ABCA8: variants seen among roughly 807,000 people sequenced by gnomAD.
ABCA8 encodes ATP binding cassette subfamily A member 8, also known as ABC-type organic anion transporter ABCA8.
ABCA8 carries 177 observed loss-of-function variants against 192.3 expected under a neutral mutation model. The ratio of observed to expected loss-of-function variants is 0.92; its 90% CI spans 0.81 to 1.04. ABCA8 has a LOEUF of 1.04. Among genes scored for constraint, ABCA8 ranks in the 50% least tolerant of loss-of-function variants. The probability of loss-of-function intolerance (pLI) is 0.00; values close to 1 mark genes in which losing one functional copy is unlikely to be tolerated. For synonymous variants in ABCA8, 642 were observed against 690.2 expected (o/e 0.93, Z 1.09); for missense variants, 1,915 against 1,904.8 (o/e 1.01, Z -0.10).
chr17:68,914,491 C>A lies in ABCA8; in HGVS notation c.2138+2870G>T, dbSNP rs536250494. Among the ~76,000 whole-genome samples the A allele has an allele frequency of 3.9e-4, 60 of 152,148 alleles. No homozygotes were observed. The South Asian group carries it at 0.012, about 31-fold the overall frequency. ...TATACAAAAATCAATAGCATTTCTACATGCTAACAGCAAGCAAGCTGAAAA... is the reference window on the plus strand; with the variant it reads ...TATACAAAAATCAATAGCATTTCTAAATGCTAACAGCAAGCAAGCTGAAAA... On this transcript the variant is annotated intron_variant, in intron 17 of 39. Coordinates refer to ENST00000586539, the MANE Select transcript of ABCA8 (RefSeq NM_001288985.2).
chr17:68,894,992 A>G lies in ABCA8; in HGVS notation c.2786T>C (p.Ile929Thr). The G allele has an allele frequency of 6.2e-7, 1 of 1,610,824 alleles. No individual in the cohort carries two copies. The highest frequency in any genetic ancestry group is 8.5e-7 in the Non-Finnish European group (1 of 1,179,000). ...NKTGASIDDF[I>T]QSVEHQNIAL... ...TATGTTCTGGTGCTCCACAGACTGT[A>G]TAAAGTCATCAATGCTTGCCCCTAA... is the stretch of plus-strand genomic sequence containing the variant. Residue 929 changes from isoleucine (I) to threonine (T), a missense_variant, in exon 22 of 40, where the codon ATA becomes ACA. Coordinates refer to ENST00000586539, the MANE Select transcript of ABCA8 (RefSeq NM_001288985.2).
chr17:68,938,055 G>A (rs954215887), intron 4 of ABCA8, among the ~76,000 whole-genome samples: 9 of 152,116 alleles, frequency 5.9e-5, no homozygotes, highest in Admixed American at 4.6e-4. Flanking sequence ...TGTTATGGAC[G>A]TCTGTGAAAC....
rs867662408 is a variant in ABCA8 at position 68,868,478 on chromosome 17, A to G, written c.4712-122T>C. 5 of 809,198 alleles carry G rather than the reference A, an allele frequency of 6.2e-6. No individual in the cohort carries two copies. In the East Asian group the frequency reaches 1.3e-4, roughly 22 times the overall value. 50.1% of individuals were successfully genotyped at this position (809,198 alleles called of 1,614,324 possible). Reference sequence around the variant, plus strand: ...AAATAGGTTAAGGTAATATTCATTCATGTCTTAAGTACATCGTTCAGTTAA... The same window carrying G: ...AAATAGGTTAAGGTAATATTCATTCGTGTCTTAAGTACATCGTTCAGTTAA... On this transcript the variant is annotated intron_variant, in intron 38 of 39. Coordinates refer to ENST00000586539, the MANE Select transcript of ABCA8 (RefSeq NM_001288985.2).
At chr17:68,943,535 C>T (rs551582368) in intron 2 of ABCA8, among the ~76,000 whole-genome samples, 1 of 152,278 alleles carries the variant, frequency 6.6e-6, no homozygotes, top group Admixed American at 6.5e-5. Context: ...AATGTTGCTA[C>T]TTTCCTAATA....
At chr17:68,923,015 T>A (rs1300537680) in intron 11 of ABCA8, among the ~76,000 whole-genome samples, 1 of 152,130 alleles carries the variant, frequency 6.6e-6, no homozygotes, top group Non-Finnish European at 1.5e-5. Flanking sequence ...AGGAATGAAA[T>A]TAACTTATGC....
rs200428763 is a variant in ABCA8, at chr17:68,929,090, T to C, written c.1084A>G (p.Ser362Gly). The change falls in exon 9 of 40, where the codon AGC becomes GGC. Residue 362 changes from serine (S) to glycine (G), a missense_variant. Physicochemically the swap from Ser to Gly is moderately conservative, Grantham distance 56 (BLOSUM62 0). Coordinates refer to ENST00000586539, the MANE Select transcript of ABCA8 (RefSeq NM_001288985.2). ...ATGAAGGCAAAGGGACTAAGCAAGC[T>C]TAAAATCCACTCCAAGGATGCAGGA... Reference protein sequence around the residue: ...HLPASLEWILSLLSPFAFMLG... With the variant: ...HLPASLEWILGLLSPFAFMLG... 3.7e-6 allele frequency: 6 copies of C among 1,600,476 alleles called. No individual in the cohort carries two copies. Among genetic ancestry groups the C allele is most frequent in the Non-Finnish European group, 5.1e-6 (6 of 1,172,754 alleles).
intron 19 of ABCA8, among the ~76,000 whole-genome samples, chr17:68,904,160 T>C (rs1182993289): frequency 1.3e-5 from 2 of 151,846 alleles, no homozygotes. Flanking sequence ...TGGGCACCTG[T>C]AGTCGCAGCT....
intron 4 of ABCA8, among the ~76,000 whole-genome samples, chr17:68,938,416 CG>C (rs2143747010): frequency 6.6e-6 from 1 of 151,898 alleles, no homozygotes; most frequent in Admixed American, 6.6e-5. Context: ...GGAATTTGGA[CG>C]GAAGTTGACA....
At chr17:68,893,608 A>G (rs1040059593) in intron 23 of ABCA8, among the ~76,000 whole-genome samples, 1 of 144,916 alleles carries the variant, frequency 6.9e-6, no homozygotes, top group Admixed American at 7.0e-5. Context: ...TCATTCGTTC[A>G]TTCCTTCCTT....
chr17:68,871,977 G>T (rs1187204560), intron 37 of ABCA8, among the ~76,000 whole-genome samples: 1 of 152,068 alleles, frequency 6.6e-6, no homozygotes, highest in Non-Finnish European at 1.5e-5. Flanking sequence ...AAAGTTAACT[G>T]TAAAAAAGCC....
chr17:68,914,303 G>T (rs564648531), intron 17 of ABCA8, among the ~76,000 whole-genome samples: 1 of 152,094 alleles, frequency 6.6e-6, no homozygotes, highest in East Asian at 1.9e-4. Context: ...GTGGCAATCA[G>T]ATAAGAGGCA....
chr17:68,914,239 CAAT>C (rs2067296644), intron 17 of ABCA8, among the ~76,000 whole-genome samples: 1 of 152,038 alleles, frequency 6.6e-6, no homozygotes, highest in Admixed American at 6.6e-5. Context: ...TGGAACACAA[CAAT>C]GATGCCCACT....
intron 3 of ABCA8, 88 bp from the exon 4 acceptor site, chr17:68,941,050 T>C: frequency 3.8e-6 from 4 of 1,058,636 alleles, no homozygotes; most frequent in Non-Finnish European, 5.4e-6. Context: ...GCCTCTTTTT[T>C]ACTTTTCTAA....
chr17:68,870,627 A>G (rs539995226), intron 37 of ABCA8, among the ~76,000 whole-genome samples: 2 of 152,312 alleles, frequency 1.3e-5, no homozygotes, highest in South Asian at 4.2e-4. Flanking sequence ...GATTTAGTTC[A>G]CTCAGCATAA....
At chr17:68,908,483 C>T (rs1465688336) in intron 17 of ABCA8, among the ~76,000 whole-genome samples, 4 of 151,998 alleles carry the variant, frequency 2.6e-5, no homozygotes, top group East Asian at 3.9e-4. Flanking sequence ...CTAGTGCGGG[C>T]GTCAGGAAGA....
chr17:68,869,884 G>A, intron 37 of ABCA8, 105 bp from the exon 38 acceptor site: 5 of 764,060 alleles, frequency 6.5e-6, no homozygotes, highest in East Asian at 2.7e-5. Context: ...AATGGTGTTA[G>A]GAACATTTAA....
chr17:68,938,871 G>A (rs1230580795), intron 4 of ABCA8, among the ~76,000 whole-genome samples: 1 of 152,106 alleles, frequency 6.6e-6, no homozygotes, highest in Non-Finnish European at 1.5e-5. Flanking sequence ...CTTTCAATCA[G>A]TTAGGTTTGG....
At position 68,871,981 on chromosome 17, in the gene ABCA8, A is replaced by G. The variant is rs534400769; in HGVS notation, c.4632-2202T>C. ...CTACTTATAAAAAAGTTAACTGTAAAAAAGCCTCAGGCAGGTCCTTCGGGA... is the reference window on the plus strand; with the variant it reads ...CTACTTATAAAAAAGTTAACTGTAAGAAAGCCTCAGGCAGGTCCTTCGGGA... On this transcript the variant is annotated intron_variant, in intron 37 of 39. Transcript: ENST00000586539. 2.2e-4 allele frequency among the ~76,000 whole-genome samples: 34 copies of G among 152,300 alleles called. No homozygotes were observed. The South Asian group carries it at 6.8e-3, about 31-fold the overall frequency.
chr17:68,873,740 G>A (rs1308794786), intron 37 of ABCA8, among the ~76,000 whole-genome samples: 1 of 152,118 alleles, frequency 6.6e-6, no homozygotes, highest in Admixed American at 6.5e-5. Flanking sequence ...GGCATAAGAT[G>A]GGGTCTAGTT....
Sources: gnomAD v4.1 joint callset for allele counts (sites outside exome capture counted in the v4.1 genomes callset) on GRCh38, gnomAD v4.1.1 for gene constraint, MANE v1.5 for transcripts, NCBI Gene and HGNC (gene_info 2026-07-23, HGNC 2026-07-21) for gene names.